TBC1D22A: variants seen among roughly 807,000 people sequenced by gnomAD.
TBC1D22A encodes the protein TBC1 domain family member 22A, also known as putative GTPase activator.
TBC1D22A carries 38 observed loss-of-function variants against 60.2 expected under a neutral mutation model. That is an observed-to-expected ratio of 0.63 (90% CI 0.49 to 0.83). The LOEUF (loss-of-function observed/expected upper bound fraction) is 0.83, where lower values mean the gene tolerates loss of function less well. TBC1D22A is among the 40% of genes least tolerant of loss of function. The pLI, the probability that TBC1D22A is intolerant of heterozygous loss-of-function variation, is 0.00. For missense variants in TBC1D22A, 628 were observed against 701.0 expected, an observed-to-expected ratio of 0.90 and a Z score of 1.18; for synonymous variants, 302 against 281.7, an observed-to-expected ratio of 1.07 and a Z score of -0.72.
At chr22:47,004,656 G>A (rs2061521663) in intron 10 of TBC1D22A, among the ~76,000 whole-genome samples, 1 of 140,064 alleles carries the variant, frequency 7.1e-6, no homozygotes, top group Non-Finnish European at 1.5e-5. Flanking sequence ...ACACTCAGAT[G>A]CCTATATACA....
intron 8 of TBC1D22A, among the ~76,000 whole-genome samples, chr22:46,967,501 C>T (rs1000850460): frequency 1.6e-4 from 25 of 152,178 alleles, no homozygotes. Flanking sequence ...AGGCTTATTG[C>T]AGGGTTTGTG....
At chr22:46,839,938 A>G (rs1348189741) in intron 4 of TBC1D22A, among the ~76,000 whole-genome samples, 1 of 152,220 alleles carries the variant, frequency 6.6e-6, no homozygotes, top group African/African-American at 2.4e-5. Flanking sequence ...GCATATACAA[A>G]AGTCAACTTA....
intron 11 of TBC1D22A, among the ~76,000 whole-genome samples, chr22:47,042,357 G>A (rs1431352631): frequency 2.6e-5 from 4 of 152,306 alleles, no homozygotes; most frequent in African/African-American, 4.8e-5. Context: ...CAGTGGGGGC[G>A]CCATGGCTCC....
intron 11 of TBC1D22A, among the ~76,000 whole-genome samples, chr22:47,060,238 CTTT>C (rs3884803): frequency 3.6e-5 from 4 of 111,644 alleles, no homozygotes; most frequent in South Asian, 6.0e-4. Context: ...GGGTTTCTGA[CTTT>C]TTTTTTTTTT....
intron 11 of TBC1D22A, among the ~76,000 whole-genome samples, chr22:47,098,827 C>T (rs576933039): frequency 6.6e-6 from 1 of 152,340 alleles, no homozygotes; most frequent in African/African-American, 2.4e-5. Context: ...ATTAGTCGCA[C>T]AGTGTCTCTG....
rs1042007972 is a variant in TBC1D22A at position 46,777,279 on chromosome 22, G to A, written c.62+14431G>A. On this transcript the variant is annotated intron_variant, in intron 1 of 12. Transcript: ENST00000337137. This position sits in a 1 kb window ranked among gnomAD's most constrained non-coding sequence, Gnocchi z 4.5. ...CATGGGCCAGTGAGAGCCAGGGGCC[G>A]CCAGAAGAGGGCTCGAGGGAGAGGT... Among the ~76,000 whole-genome samples the A allele has an allele frequency of 1.3e-5, 2 of 152,174 alleles. No homozygotes were observed. Among genetic ancestry groups the A allele is most frequent in the Non-Finnish European group, 2.9e-5 (2 of 68,038 alleles).
intron 1 of TBC1D22A, among the ~76,000 whole-genome samples, chr22:46,791,284 CATTGCCAGT>C (rs1235882346): frequency 6.6e-6 from 1 of 152,180 alleles, no homozygotes; most frequent in Non-Finnish European, 1.5e-5. Flanking sequence ...GGCCTCCCAA[CATTGCCAGT>C]ATTGCCTTCA....
intron 11 of TBC1D22A, among the ~76,000 whole-genome samples, chr22:47,054,959 C>T (rs999536172): frequency 3.3e-5 from 5 of 152,228 alleles, no homozygotes; most frequent in South Asian, 4.1e-4. Flanking sequence ...CCAGGTCCAG[C>T]ATGGCCCTGG....
Position 47,078,117 on chromosome 22 carries a change from G to C in TBC1D22A, c.1330-33391G>C, listed in dbSNP as rs73473646. Among the ~76,000 whole-genome samples, 1,380 of 152,228 alleles carry C rather than the reference G, an allele frequency of 9.1e-3. 15 individuals carry two copies. The highest frequency in any genetic ancestry group is 0.032 in the African/African-American group (1,316 of 41,534). On this transcript the variant is annotated intron_variant, in intron 11 of 12. Coordinates refer to ENST00000337137, the MANE Select transcript of TBC1D22A (RefSeq NM_014346.5). The stretch of plus-strand genomic sequence containing the variant: ...GCCCATCCACGGAGTTGCTGTGTTT[G>C]GTCCCCCTAGACACCCTTGAGGGGG...
At chr22:46,903,457 G>A (rs16995924) in intron 7 of TBC1D22A, among the ~76,000 whole-genome samples, 2,867 of 152,294 alleles carry the variant, frequency 0.019, 92 homozygotes, top group African/African-American at 0.063. Flanking sequence ...GGCTTTTGCC[G>A]CTTGAATTTG....
At chr22:47,110,529 T>C (rs1369198170) in intron 11 of TBC1D22A, among the ~76,000 whole-genome samples, 1 of 152,156 alleles carries the variant, frequency 6.6e-6, no homozygotes. Context: ...GGATGTTTGC[T>C]CATTTGTCAC....
intron 12 of TBC1D22A, among the ~76,000 whole-genome samples, chr22:47,135,835 A>G (rs908296371): frequency 6.6e-6 from 1 of 152,212 alleles, no homozygotes; most frequent in African/African-American, 2.4e-5. Flanking sequence ...GCCACGTGCC[A>G]GGACCACCCG....
At chr22:46,778,587 G>A (rs1422727009) in intron 1 of TBC1D22A, among the ~76,000 whole-genome samples, 2 of 152,074 alleles carry the variant, frequency 1.3e-5, no homozygotes, top group Non-Finnish European at 2.9e-5. Flanking sequence ...GAAGGTCTTC[G>A]GGGGCAATAA....
chr22:47,018,256 C>T (rs577236959), intron 10 of TBC1D22A, among the ~76,000 whole-genome samples: 13 of 152,332 alleles, frequency 8.5e-5, no homozygotes, highest in East Asian at 1.9e-4. Flanking sequence ...TCGTCTGCAG[C>T]GGAGTTTCTG....
chr22:46,887,990 C>G (rs1355487101), intron 5 of TBC1D22A, among the ~76,000 whole-genome samples: 1 of 152,254 alleles, frequency 6.6e-6, no homozygotes, highest in African/African-American at 2.4e-5. Context: ...GCTTCATGCT[C>G]GAGGCCTGGC....
At chr22:47,072,297 G>A (rs991297516) in intron 11 of TBC1D22A, among the ~76,000 whole-genome samples, 14 of 152,212 alleles carry the variant, frequency 9.2e-5, no homozygotes, top group Admixed American at 9.2e-4. Context: ...CACTCGTCCA[G>A]GCCACAGCTT....
At chr22:47,075,740 CAGTTA>C (rs1477965755) in intron 11 of TBC1D22A, among the ~76,000 whole-genome samples, 2 of 151,892 alleles carry the variant, frequency 1.3e-5, no homozygotes, top group Middle Eastern at 3.2e-3. Context: ...CTAAATTTGC[CAGTTA>C]AAAGACAGTG....
chr22:47,112,099 C>T (rs985992842), intron 12 of TBC1D22A, among the ~76,000 whole-genome samples: 1 of 152,344 alleles, frequency 6.6e-6, no homozygotes, highest in East Asian at 1.9e-4. Context: ...GAGCCCTCCT[C>T]GCATGCCACG....
At chr22:47,058,467 G>A (rs564718370) in intron 11 of TBC1D22A, among the ~76,000 whole-genome samples, 63 of 152,188 alleles carry the variant, frequency 4.1e-4, no homozygotes, top group African/African-American at 1.4e-3. Flanking sequence ...CCTTGTGGTG[G>A]TTATGACCAC....
Sources: gnomAD v4.1 joint callset for allele counts (sites outside exome capture counted in the v4.1 genomes callset) on GRCh38, gnomAD v4.1.1 for gene constraint, Gnocchi (gnomAD v3.1) non-coding constraint, MANE v1.5 for transcripts, NCBI Gene and HGNC (gene_info 2026-07-23, HGNC 2026-07-21) for gene names.